Variants in VWA3B observed in about 807,000 individuals in gnomAD.
The protein encoded by VWA3B is von Willebrand factor A domain containing 3B.
A neutral mutation model predicts 158.3 loss-of-function variants in VWA3B; 138 were observed. That is an observed-to-expected ratio of 0.87 (90% CI 0.76 to 1.00). The LOEUF is 1.00. Among genes scored for constraint, VWA3B ranks in the 50% least tolerant of loss-of-function variants. VWA3B has a pLI of 0.00. For synonymous variants in VWA3B, 596 were observed against 587.3 expected, an observed-to-expected ratio of 1.01 and a Z score of -0.21; for missense variants, 1,555 against 1,565.1, an observed-to-expected ratio of 0.99 and a Z score of 0.11.
intron 26 of VWA3B, among the ~76,000 whole-genome samples, 169 bp downstream of exon 26, chr2:98,303,971 C>T (rs1449286217): frequency 6.6e-6 from 1 of 152,218 alleles, no homozygotes; most frequent in East Asian, 1.9e-4. Flanking sequence ...GACGTCACAC[C>T]TTTCACCTGC....
intron 20 of VWA3B, among the ~76,000 whole-genome samples, chr2:98,251,159 C>T (rs1229728526): frequency 2.6e-5 from 4 of 152,120 alleles, no homozygotes; most frequent in Non-Finnish European, 4.4e-5. Flanking sequence ...GGGCTTCCTA[C>T]ATGCTAGGCA....
chr2:98,310,968 T>C (rs1690850441), intron 26 of VWA3B, among the ~76,000 whole-genome samples: 1 of 152,266 alleles, frequency 6.6e-6, no homozygotes, highest in Non-Finnish European at 1.5e-5. Context: ...CTCTTTCTAC[T>C]TTATTGTTTT....
chr2:98,187,101 G>A (rs1681137837), intron 9 of VWA3B, among the ~76,000 whole-genome samples: 1 of 152,080 alleles, frequency 6.6e-6, no homozygotes, highest in Non-Finnish European at 1.5e-5. Flanking sequence ...GCCACACTCT[G>A]TTCCGCCAGG....
chr2:98,265,539 A>G (rs1023238717), intron 21 of VWA3B, among the ~76,000 whole-genome samples: 14 of 151,962 alleles, frequency 9.2e-5, no homozygotes, highest in Non-Finnish European at 1.5e-5. Flanking sequence ...CATGATTTAT[A>G]GACCTTTGGG....
chr2:98,234,722 G>A lies in VWA3B; in HGVS notation c.2383G>A (p.Gly795Ser), dbSNP rs762513961. 2 of 1,614,078 alleles carry A rather than the reference G, an allele frequency of 1.2e-6. No homozygotes were observed. Among genetic ancestry groups the A allele is most frequent in the South Asian group, 1.1e-5 (1 of 91,078 alleles). ...RSSACSERKD[G>S]LSNASSRRTA... ...CTCAGCTTGCAGTGAAAGGAAGGATGGCCTCTCCAATGCCAGCAGCCGGAG... is the reference window on the plus strand; with the variant it reads ...CTCAGCTTGCAGTGAAAGGAAGGATAGCCTCTCCAATGCCAGCAGCCGGAG... Residue 795 changes from glycine (G) to serine (S), a missense_variant, in exon 17 of 28, where the codon GGC (glycine) becomes AGC (serine). Physicochemically the swap from Gly to Ser is moderately conservative, Grantham distance 56. Coordinates refer to ENST00000477737, the MANE Select transcript of VWA3B (RefSeq NM_144992.5).
At chr2:98,204,629 C>G (rs940929959) in intron 12 of VWA3B, among the ~76,000 whole-genome samples, 2 of 152,086 alleles carry the variant, frequency 1.3e-5, no homozygotes, top group African/African-American at 4.8e-5. Context: ...TTGTTGAGAA[C>G]TTTTGTGTCC....
intron 23 of VWA3B, among the ~76,000 whole-genome samples, chr2:98,297,680 G>A (rs1333657908): frequency 6.6e-6 from 1 of 152,140 alleles, no homozygotes; most frequent in Non-Finnish European, 1.5e-5. Context: ...CATTCTCACT[G>A]GTTCTCATCT....
At chr2:98,318,300 G>A in the VWA3B span, among the ~76,000 whole-genome samples, 7 of 152,062 alleles carry the variant, frequency 4.6e-5, no homozygotes, top group African/African-American at 9.7e-5. Flanking sequence ...ATTCACAATA[G>A]CAAAGACATG....
chr2:98,158,910 A>C (rs1678335219), intron 7 of VWA3B, among the ~76,000 whole-genome samples: 1 of 152,154 alleles, frequency 6.6e-6, no homozygotes, highest in Non-Finnish European at 1.5e-5. Flanking sequence ...GGCCCTGGTC[A>C]CTGCATCCCC....
At chr2:98,115,074 C>T (rs920854284) in intron 2 of VWA3B, among the ~76,000 whole-genome samples, 9 of 150,354 alleles carry the variant, frequency 6.0e-5, no homozygotes, top group African/African-American at 2.2e-4. Flanking sequence ...AAAACCAAGT[C>T]CAAGTCACGA....
intron 21 of VWA3B, among the ~76,000 whole-genome samples, chr2:98,264,192 G>T (rs1198973112): frequency 6.6e-6 from 1 of 150,690 alleles, no homozygotes; most frequent in Admixed American, 6.6e-5. Flanking sequence ...AACAAATCTT[G>T]CTTTCATTGA....
intron 7 of VWA3B, among the ~76,000 whole-genome samples, chr2:98,144,777 G>C (rs1677045301): frequency 6.6e-6 from 1 of 151,760 alleles, no homozygotes; most frequent in African/African-American, 2.4e-5. Flanking sequence ...ATGTTGACTA[G>C]TCTGGTCTTG....
intron 24 of VWA3B, among the ~76,000 whole-genome samples, chr2:98,298,373 GATTCT>G (rs61254436): frequency 0.14 from 17,006 of 121,818 alleles, 1,166 homozygotes; most frequent in East Asian, 0.22. Flanking sequence ...AACTACAAAA[GATTCT>G]ATTCTATTCT....
intron 2 of VWA3B, among the ~76,000 whole-genome samples, chr2:98,101,853 T>G (rs1683096318): frequency 6.6e-6 from 1 of 151,548 alleles, no homozygotes; most frequent in African/African-American, 2.4e-5. Context: ...TGTTTATATT[T>G]TTTTATTTTT....
In VWA3B at chr2:98,212,039, G is replaced by T. The variant is rs1464151026; in HGVS notation, c.1836+11G>T. The T allele has an allele frequency of 6.2e-7, 1 of 1,612,794 alleles. No homozygotes were observed. The highest frequency in any genetic ancestry group is 1.1e-5 in the South Asian group (1 of 90,970). ...GGGAGACCTGATCAGGTACTTACCA[G>T]AGCTGGGAACAAAGAGGGCCTCACT... On this transcript the variant is annotated intron_variant, in intron 13 of 27. Coordinates refer to ENST00000477737, the MANE Select transcript of VWA3B (RefSeq NM_144992.5).
chr2:98,181,971 T>C (rs367609771), intron 9 of VWA3B, among the ~76,000 whole-genome samples: 3 of 152,182 alleles, frequency 2.0e-5, no homozygotes, highest in Non-Finnish European at 4.4e-5. Context: ...TTTAGAAGCA[T>C]GGAAAGACTA....
At chr2:98,308,646 G>A (rs1027389738) in intron 26 of VWA3B, among the ~76,000 whole-genome samples, 3 of 152,246 alleles carry the variant, frequency 2.0e-5, no homozygotes, top group African/African-American at 7.2e-5. Context: ...CAGGGCAGGG[G>A]GAGGCACCTG....
chr2:98,178,082 C>T (rs1213591691), intron 8 of VWA3B, among the ~76,000 whole-genome samples: 7 of 152,128 alleles, frequency 4.6e-5, no homozygotes, highest in African/African-American at 7.2e-5. Context: ...AGGGTTTCTC[C>T]AAGGAGGCTG....
At chr2:98,325,436 A>G in the VWA3B span, among the ~76,000 whole-genome samples, 1 of 152,362 alleles carries the variant, frequency 6.6e-6, no homozygotes, top group Non-Finnish European at 1.5e-5. Flanking sequence ...AAGTGAAAAT[A>G]ACCTCAAAAA....
Sources: gnomAD v4.1 joint callset for allele counts (sites outside exome capture counted in the v4.1 genomes callset) on GRCh38, gnomAD v4.1.1 for gene constraint, MANE v1.5 for transcripts, NCBI Gene and HGNC (gene_info 2026-07-23, HGNC 2026-07-21) for gene names.